The following SH3KBP1 variants were observed in gnomAD, a reference collection of about 807,000 sequenced individuals.
SH3KBP1 encodes SH3 domain-containing kinase-binding protein 1.
Under a neutral mutation model 50.1 loss-of-function variants are expected in SH3KBP1, and 8 were observed. The ratio of observed to expected loss-of-function variants is 0.16; its 90% confidence interval spans 0.09 to 0.29. The LOEUF is 0.29. SH3KBP1 is among the 10% of genes least tolerant of loss of function. The probability of loss-of-function intolerance (pLI) is 1.00; values close to 1 mark genes in which losing one functional copy is unlikely to be tolerated. For synonymous variants in SH3KBP1, 227 were observed against 218.6 expected (o/e 1.04, Z -0.34); for missense variants, 377 against 535.2 (o/e 0.70, Z 2.92).
At chrX:19,564,587 C>T (rs1434267086) in intron 13 of SH3KBP1, among the ~76,000 whole-genome samples, 1 of 109,050 alleles carries the variant, frequency 9.2e-6, no homozygotes, top group African/African-American at 3.3e-5. Flanking sequence ...CTTCCTCTTT[C>T]TCTCTCACAA....
chrX:19,871,965 A>T (rs753260059), intron 1 of SH3KBP1, among the ~76,000 whole-genome samples: 28 of 110,853 alleles, frequency 2.5e-4, no homozygotes, highest in African/African-American at 8.2e-4. Context: ...AGGTAAAAGA[A>T]TGGTGGCCGG....
At chrX:19,673,065 CAAA>C (rs1174045446) in intron 6 of SH3KBP1, among the ~76,000 whole-genome samples, 2 of 37,333 alleles carry the variant, frequency 5.4e-5, no homozygotes. Flanking sequence ...GATTCTGTCT[CAAA>C]AAAAAAAAAA....
intron 6 of SH3KBP1, among the ~76,000 whole-genome samples, chrX:19,663,377 T>G (rs2062511562): frequency 8.9e-6 from 1 of 111,891 alleles, no homozygotes; most frequent in Non-Finnish European, 1.9e-5. Flanking sequence ...AATTGATACA[T>G]TTTTCTGGTC....
At chrX:19,795,280 C>A (rs1258956861) in intron 2 of SH3KBP1, among the ~76,000 whole-genome samples, 1 of 112,153 alleles carries the variant, frequency 8.9e-6, no homozygotes, top group Non-Finnish European at 1.9e-5. Context: ...TATACTAGAA[C>A]AATTTTCTCT....
intron 15 of SH3KBP1, 109 bp from the exon 16 acceptor site, chrX:19,542,302 C>T: frequency 1.3e-6 from 1 of 784,463 alleles, no homozygotes; most frequent in Non-Finnish European, 1.7e-6. Context: ...CCTCTCTCCA[C>T]ACACTCCATT....
At chrX:19,740,308 G>A (rs1209023862) in intron 3 of SH3KBP1, among the ~76,000 whole-genome samples, 1 of 111,751 alleles carries the variant, frequency 8.9e-6, no homozygotes, top group Non-Finnish European at 1.9e-5. Context: ...TGAGAATGAA[G>A]GCCCACTGGA....
chrX:19,540,717 C>G (rs2064859622), intron 16 of SH3KBP1, among the ~76,000 whole-genome samples: 1 of 111,598 alleles, frequency 9.0e-6, no homozygotes, highest in African/African-American at 3.3e-5. Flanking sequence ...GATGTGTTGA[C>G]CTCACCAGGC....
At chrX:19,767,671 A>T (rs1434603832) in intron 2 of SH3KBP1, among the ~76,000 whole-genome samples, 1 of 111,131 alleles carries the variant, frequency 9.0e-6, no homozygotes, top group African/African-American at 3.3e-5. Context: ...CTGATTTTTT[A>T]AAGTTAACCC....
intron 5 of SH3KBP1, among the ~76,000 whole-genome samples, chrX:19,692,560 T>C (rs2063311568): frequency 9.2e-6 from 1 of 108,596 alleles, no homozygotes; most frequent in African/African-American, 3.4e-5. Context: ...TAAACATATA[T>C]ATACACATAT....
At position 19,645,463 on chromosome X, in the gene SH3KBP1, T is replaced by G. The variant is rs1233524895; in HGVS notation, c.739A>C (p.Lys247Gln). Residue 247 changes from lysine (K) to glutamine (Q), a missense_variant, in exon 7 of 18, where the codon AAG becomes CAG. Coordinates refer to ENST00000397821, the MANE Select transcript of SH3KBP1 (RefSeq NM_031892.3). ...GGAGTTGCTGTAGTTGCAGGTAACT[T>G]CTTCCCAATAGTCTGAGGGGAAAAA... The part of the protein sequence containing the change: ...FLPVEKTIGK[K>Q]LPATTATPDS... The G allele has an allele frequency of 2.5e-6, 3 of 1,194,854 alleles. No homozygotes were observed. The highest frequency in any genetic ancestry group is 2.3e-6 in the Non-Finnish European group (2 of 880,099).
intron 1 of SH3KBP1, among the ~76,000 whole-genome samples, chrX:19,849,450 A>T (rs1041538617): frequency 9.0e-6 from 1 of 110,564 alleles, no homozygotes; most frequent in East Asian, 2.8e-4. Context: ...GCACTTCGGG[A>T]GGCTGAGGTG....
intron 8 of SH3KBP1, among the ~76,000 whole-genome samples, chrX:19,618,410 A>G (rs1046989444): frequency 9.4e-6 from 1 of 106,393 alleles, no homozygotes; most frequent in East Asian, 2.9e-4. Context: ...AAAAAAAAAA[A>G]CAGTTTCTAT....
chrX:19,800,300 A>G (rs912448604), intron 2 of SH3KBP1, among the ~76,000 whole-genome samples: 2 of 112,434 alleles, frequency 1.8e-5, no homozygotes, highest in Non-Finnish European at 3.8e-5. Flanking sequence ...TAAGTAATAA[A>G]GTAAAATTTA....
At chrX:19,879,101 T>C (rs1300493994) in intron 1 of SH3KBP1, among the ~76,000 whole-genome samples, 1 of 111,635 alleles carries the variant, frequency 9.0e-6, no homozygotes, top group Admixed American at 9.4e-5. Flanking sequence ...AAAAATTAGC[T>C]GGGCGTGGTG....
intron 1 of SH3KBP1, among the ~76,000 whole-genome samples, chrX:19,838,338 C>T: frequency 8.9e-6 from 1 of 112,004 alleles, no homozygotes; most frequent in South Asian, 3.7e-4. Flanking sequence ...ACCACCAGAG[C>T]AAGCACCAGC....
At chrX:19,802,327 G>A (rs1342578438) in intron 2 of SH3KBP1, among the ~76,000 whole-genome samples, 1 of 108,914 alleles carries the variant, frequency 9.2e-6, no homozygotes, top group Admixed American at 9.7e-5. Flanking sequence ...CCTGGGAGGC[G>A]CAGGTTGCAG....
chrX:19,741,462 C>T (rs2064766558), intron 3 of SH3KBP1, among the ~76,000 whole-genome samples: 1 of 111,994 alleles, frequency 8.9e-6, no homozygotes, highest in Admixed American at 9.4e-5. Flanking sequence ...AGTAGCAGAG[C>T]GACTTAAAAA....
At chrX:19,607,849 T>C (rs763589468) in intron 9 of SH3KBP1, 89 bp downstream of exon 9, 67 of 713,827 alleles carry the variant, frequency 9.4e-5, no homozygotes, top group Non-Finnish European at 1.4e-4. Flanking sequence ...CAAATGCCAG[T>C]GCTCTTCAAC....
chrX:19,645,047 G>C (rs187149826), intron 7 of SH3KBP1, among the ~76,000 whole-genome samples: 56 of 111,908 alleles, frequency 5.0e-4, no homozygotes, highest in African/African-American at 1.8e-3. Flanking sequence ...CTGAGGGCTC[G>C]TGAATCCCTA....
Sources: allele counts gnomAD v4.1 joint callset (sites outside exome capture counted in the v4.1 genomes callset), GRCh38; gene constraint gnomAD v4.1.1; transcripts MANE v1.5; gene names NCBI Gene and HGNC (gene_info 2026-07-23, HGNC 2026-07-21).